The following CTDP1 variants were observed in gnomAD, a reference collection of about 807,000 sequenced individuals.
CTDP1 encodes CTD phosphatase 1, also known as RNA polymerase II subunit A C-terminal domain phosphatase.
Under a neutral mutation model 91.8 loss-of-function variants are expected in CTDP1, and 47 were observed. That is an observed-to-expected ratio of 0.51 (90% CI 0.41 to 0.65). CTDP1 has a LOEUF of 0.65. CTDP1 is among the 30% of genes least tolerant of loss of function. CTDP1 has a pLI of 0.00. For synonymous variants in CTDP1, 656 were observed against 598.5 expected (o/e 1.10, Z -1.40); for missense variants, 1,272 against 1,373.7 (o/e 0.93, Z 1.17).
chr18:79,710,648 G>A (rs2086061921), intron 6 of CTDP1, among the ~76,000 whole-genome samples: 1 of 146,878 alleles, frequency 6.8e-6, no homozygotes, highest in Non-Finnish European at 1.5e-5. Flanking sequence ...AGCCTCCTGA[G>A]TAGCTAGGAC....
At chr18:79,744,819 T>G (rs2086847308) in intron 12 of CTDP1, among the ~76,000 whole-genome samples, 1 of 152,020 alleles carries the variant, frequency 6.6e-6, no homozygotes, top group African/African-American at 2.4e-5. Flanking sequence ...CGTGGGAGGA[T>G]GCTGCCCCTG....
chr18:79,752,369 G>A (rs1180387464), intron 12 of CTDP1, among the ~76,000 whole-genome samples: 2 of 126,632 alleles, frequency 1.6e-5, no homozygotes, highest in African/African-American at 5.8e-5. Flanking sequence ...AGTGGCACCC[G>A]CTGGTTATGC....
chr18:79,679,882 GGTAGGCGCTGCGCTCT>G lies in CTDP1; in HGVS notation c.-64_-49del. On this transcript the variant is annotated 5_prime_UTR_variant, in exon 1 of 13. Coordinates refer to ENST00000613122, the MANE Select transcript of CTDP1 (RefSeq NM_004715.5). ...GTCGCCGCCTGGGTTGTGTCGCCGC[GGTAGGCGCTGCGCTCT>G]GAGCGCAGCGCAGGCCCCGTACCGA... 7.6e-7 allele frequency: 1 copy of G among 1,317,064 alleles called. No individual in the cohort carries two copies. The highest frequency in any genetic ancestry group is 9.8e-7 in the Non-Finnish European group (1 of 1,019,554). The allele number at this position is 1,317,064 out of a possible 1,614,324, so 81.6% of individuals were successfully genotyped here.
rs199505565 is a variant in CTDP1 at position 79,736,350 on chromosome 18, G to T, written c.2581-5G>T. On this transcript the variant is annotated splice_polypyrimidine_tract_variant and splice_region_variant and intron_variant, in intron 11 of 12. Coordinates refer to ENST00000613122, the MANE Select transcript of CTDP1 (RefSeq NM_004715.5). ...GTCTGTCGCTGACTCTTGGCTGTTT[G>T]TCAGGTGGACGACATCCTTGGAGAA... 3.9e-4 allele frequency: 608 copies of T among 1,549,162 alleles called. 2 individuals carry two copies. In the African/African-American group the frequency reaches 7.1e-3, roughly 18 times the overall value.
chr18:79,745,297 C>G (rs1049168417), intron 12 of CTDP1, among the ~76,000 whole-genome samples: 7 of 128,446 alleles, frequency 5.4e-5, no homozygotes, highest in Non-Finnish European at 8.3e-5. Flanking sequence ...CCCTGCGTCC[C>G]TCCCGTGCGC....
At chr18:79,745,173 G>T (rs2086854790) in intron 12 of CTDP1, among the ~76,000 whole-genome samples, 2 of 152,232 alleles carry the variant, frequency 1.3e-5, no homozygotes, top group African/African-American at 2.4e-5. Context: ...AATGACTGTG[G>T]CATGGATAAT....
chr18:79,697,874 G>A lies in CTDP1; in HGVS notation c.507G>A (p.Leu169=), dbSNP rs1180625902. 6.2e-7 allele frequency: 1 copy of A among 1,614,106 alleles called. No individual in the cohort carries two copies. The highest frequency in any genetic ancestry group is 8.5e-7 in the Non-Finnish European group (1 of 1,180,046). The change falls in exon 4 of 13, where the codon CTG becomes CTA. Residue 169 remains leucine (L), a synonymous_variant. Transcript: ENST00000613122. ...LMVSSEQAEQ[L]GREDQQRLHR... ...TTTAATTGTAGCAAGCTGAACAGCTGGGAAGAGAAGACCAGCAGCGACTGC... is the reference window on the plus strand; with the variant it reads ...TTTAATTGTAGCAAGCTGAACAGCTAGGAAGAGAAGACCAGCAGCGACTGC...
chr18:79,712,902 ACG>A, intron 6 of CTDP1, 68 bp from the exon 7 acceptor site: 1 of 1,529,116 alleles, frequency 6.5e-7, no homozygotes, highest in Non-Finnish European at 9.0e-7. Flanking sequence ...TTAAACTGTT[ACG>A]CTTGGCAAGA....
intron 4 of CTDP1, among the ~76,000 whole-genome samples, chr18:79,704,261 T>C (rs945245398): frequency 1.3e-5 from 2 of 152,252 alleles, no homozygotes; most frequent in Non-Finnish European, 1.5e-5. Context: ...CAGGCGGACA[T>C]GCGTCCTCTG....
rs2086155573 is a variant in CTDP1, at chr18:79,714,562, G to A, written c.1102G>A (p.Ala368Thr). 1 of 1,613,156 alleles carries A rather than the reference G, an allele frequency of 6.2e-7. No individual in the cohort carries two copies. The highest frequency in any genetic ancestry group is 8.5e-7 in the Non-Finnish European group (1 of 1,180,042). ...PVRDPEGVTQ[A>T]PGVEPSNGLE... The stretch of plus-strand genomic sequence containing the variant: ...GAGAGACCCTGAGGGGGTAACGCAG[G>A]CCCCTGGAGTGGAGCCCAGCAATGG... Residue 368 changes from alanine (A) to threonine (T), a missense_variant, in exon 8 of 13, where the codon GCC becomes ACC. Physicochemically the swap from Ala to Thr is moderately conservative, Grantham distance 58. Coordinates refer to ENST00000613122, the MANE Select transcript of CTDP1 (RefSeq NM_004715.5).
rs1343141197 is a variant in CTDP1 at position 79,692,959 on chromosome 18, GC to G, written c.315-2264del. Among the ~76,000 whole-genome samples the G allele has an allele frequency of 3.9e-5, 6 of 152,394 alleles. No homozygotes were observed. In the East Asian group the frequency reaches 1.2e-3, roughly 29 times the overall value. Reference sequence around the variant, plus strand: ...GCAGTGCCCAGGGAAAGGACGTGGGGCCATTGGGAGGACTGGGTTTGGGTGT... The same window carrying G: ...GCAGTGCCCAGGGAAAGGACGTGGGGCATTGGGAGGACTGGGTTTGGGTGT... On this transcript the variant is annotated intron_variant, in intron 1 of 12. Transcript: ENST00000613122.
chr18:79,754,736 C>G (rs2087069846), downstream of CTDP1: 1 of 152,250 alleles, frequency 6.6e-6, no homozygotes, highest in South Asian at 2.1e-4. Context: ...AAGAATTACT[C>G]TCTTGCATTA....
At chr18:79,732,419 CTCCCAAA>C (rs1335712691) in intron 11 of CTDP1, among the ~76,000 whole-genome samples, 92 of 62,400 alleles carry the variant, frequency 1.5e-3, no homozygotes, top group East Asian at 2.7e-3. Context: ...CTCAGGAGTG[CTCCCAAA>C]ATCACGTGAG....
At chr18:79,751,145 C>T (rs1448561226) in intron 12 of CTDP1, among the ~76,000 whole-genome samples, 75 of 27,304 alleles carry the variant, frequency 2.7e-3, no homozygotes, top group African/African-American at 0.01. Context: ...AGAGGCAGGC[C>T]GGGGAGGGAG....
intron 1 of CTDP1, among the ~76,000 whole-genome samples, chr18:79,694,909 T>C (rs2085716327): frequency 6.6e-6 from 1 of 152,236 alleles, no homozygotes; most frequent in Non-Finnish European, 1.5e-5. Context: ...TAGTGTGTTT[T>C]GAGACAACTT....
In CTDP1 at chr18:79,696,022, G is replaced by A. The variant is rs147215606; in HGVS notation, c.444G>A (p.Ala148=). The A allele has an allele frequency of 8.9e-5, 143 of 1,612,604 alleles. 2 individuals are homozygous for A. The South Asian group carries it at 1.2e-3, about 13-fold the overall frequency. The change falls in exon 3 of 13, where the codon GCG becomes GCA. Residue 148 remains alanine, a synonymous_variant. Transcript: ENST00000613122. ...NGKQQVPLST[A]TVSMVHSVPE... Reference sequence around the variant, plus strand: ...AGCAGCAGGTGCCGCTGTCCACGGCGACCGTGTCCATGGTGCACAGCGTGC... The same window carrying A: ...AGCAGCAGGTGCCGCTGTCCACGGCAACCGTGTCCATGGTGCACAGCGTGC...
intron 10 of CTDP1, among the ~76,000 whole-genome samples, chr18:79,719,400 G>C (rs966321697): frequency 1.3e-5 from 2 of 152,094 alleles, no homozygotes; most frequent in Admixed American, 6.5e-5. Context: ...CTGGGACCTA[G>C]GGGGTGGGGG....
rs966405383 is a variant in CTDP1, at chr18:79,680,222, G to A, written c.275G>A (p.Arg92Gln). The A allele has an allele frequency of 2.1e-5, 28 of 1,360,092 alleles. No individual in the cohort carries two copies. The African/African-American group carries it at 4.1e-4, about 20-fold the overall frequency. 84.3% of individuals were successfully genotyped at this position (1,360,092 alleles called of 1,614,324 possible). The change falls in exon 1 of 13, where the codon CGG (arginine) becomes CAG (glutamine). Residue 92 changes from arginine (R) to glutamine (Q), a missense_variant. Physicochemically the swap from Arg to Gln is conservative, Grantham distance 43. Coordinates refer to ENST00000613122, the MANE Select transcript of CTDP1 (RefSeq NM_004715.5). ...AGGTCGGAGCGCGCGGGCGTGGTGC[G>A]GGAGCTGTGCGCGCAGCCGGGCCAG... ...RLRSERAGVVRELCAQPGQVV... is the reference protein window; with the variant it reads ...RLRSERAGVVQELCAQPGQVV...
At position 79,701,716 on chromosome 18, in the gene CTDP1, A is replaced by C. The variant is rs113395220; in HGVS notation, c.622-3051A>C. ...AGGAACATTTGTGATTCATGGGAAGAGGTCAGAGTATCTGCATCAACCAGG... is the reference window on the plus strand; with the variant it reads ...AGGAACATTTGTGATTCATGGGAAGCGGTCAGAGTATCTGCATCAACCAGG... On this transcript the variant is annotated intron_variant, in intron 4 of 12. Coordinates refer to ENST00000613122, the MANE Select transcript of CTDP1 (RefSeq NM_004715.5). Among the ~76,000 whole-genome samples, 1,018 of 152,284 alleles carry C rather than the reference A, an allele frequency of 6.7e-3. 14 individuals carry two copies. The highest frequency in any genetic ancestry group is 0.023 in the African/African-American group (953 of 41,560).
Sources: gnomAD v4.1 joint callset for allele counts (sites outside exome capture counted in the v4.1 genomes callset) on GRCh38, gnomAD v4.1.1 for gene constraint, MANE v1.5 for transcripts, NCBI Gene and HGNC (gene_info 2026-07-23, HGNC 2026-07-21) for gene names.